ENY2: variants seen among roughly 807,000 people sequenced by gnomAD.
ENY2 encodes ENY2 transcription and export complex 2 subunit, also known as transcription and mRNA export factor ENY2.
A neutral mutation model predicts 15.9 loss-of-function variants in ENY2; 4 were observed. The ratio of observed to expected loss-of-function variants is 0.25; its 90% CI spans 0.12 to 0.57. ENY2 has a LOEUF of 0.57. Ranked by LOEUF, ENY2 falls within the 20% of genes least tolerant of loss-of-function variation. ENY2 has a pLI of 0.91. For synonymous variants in ENY2, 48 were observed against 38.0 expected, an observed-to-expected ratio of 1.26 and a Z score of -0.97; for missense variants, 54 against 117.2, an observed-to-expected ratio of 0.46 and a Z score of 2.49.
rs970921351 is a variant in ENY2, at chr8:109,335,108, C to T, written c.6+634C>T. ...TTTAAACTTTTAAGTGGCTTTAACG[C>T]TTTCAAAACCTAACTTTCCTCTTCT... On this transcript the variant is annotated intron_variant, in intron 1 of 4. Transcript: ENST00000521688. 2.6e-5 allele frequency: 4 copies of T among 152,226 alleles called. No homozygotes were observed. The East Asian group carries it at 5.8e-4, about 22-fold the overall frequency. The allele number at this position is 152,226 out of a possible 1,614,324, so 9.4% of individuals were successfully genotyped here.
intron 1 of ENY2, chr8:109,335,925 TA>T (rs1346310821): frequency 1.0e-4 from 41 of 403,904 alleles, no homozygotes; most frequent in Admixed American, 7.3e-4. Flanking sequence ...ATGTGATGTT[TA>T]AAAAAAAGCA....
intron 4 of ENY2, chr8:109,340,794 C>T (rs776351490): frequency 9.2e-6 from 4 of 436,090 alleles, no homozygotes; most frequent in South Asian, 3.9e-5. Context: ...CAAGTTGATA[C>T]AGTTGTTCAA....
intron 2 of ENY2, among the ~76,000 whole-genome samples, chr8:109,337,348 G>A (rs914802790): frequency 1.7e-5 from 2 of 119,584 alleles, no homozygotes; most frequent in Non-Finnish European, 3.5e-5. Context: ...AGTACGGATT[G>A]TATGTTGTTT....
chr8:109,338,098 T>C (rs1816030595), intron 2 of ENY2, among the ~76,000 whole-genome samples: 1 of 151,986 alleles, frequency 6.6e-6, no homozygotes, highest in African/African-American at 2.4e-5. Flanking sequence ...TGTAATAAAG[T>C]CTTGGAGTTT....
rs770148022 is a variant in ENY2 at position 109,334,359 on chromosome 8, G to A, written c.-110G>A. On this transcript the variant is annotated 5_prime_UTR_variant, in exon 1 of 5. Coordinates refer to ENST00000521688, the MANE Select transcript of ENY2 (RefSeq NM_020189.6). Reference sequence around the variant, plus strand: ...GTTCTAGCTTTCTGTGTGCTTAGGTGCCCGAGCTACTGAGGGTCTAAGTCC... The same window carrying A: ...GTTCTAGCTTTCTGTGTGCTTAGGTACCCGAGCTACTGAGGGTCTAAGTCC... 2.0e-5 allele frequency: 31 copies of A among 1,515,736 alleles called. No homozygotes were observed. Among genetic ancestry groups the A allele is most frequent in the Non-Finnish European group, 2.6e-5 (29 of 1,101,362 alleles). The allele number at this position is 1,515,736 out of a possible 1,614,324, so 93.9% of individuals were successfully genotyped here.
intron 1 of ENY2, 123 bp downstream of exon 1, chr8:109,334,597 C>T: frequency 8.1e-7 from 1 of 1,241,398 alleles, no homozygotes; most frequent in Non-Finnish European, 1.1e-6. Context: ...TCCGACAGGG[C>T]GTGCTACCGG....
rs1816227414 is a variant in ENY2 at position 109,345,576 on chromosome 8, A to T, written c.*2095A>T. 1 of 152,216 alleles carries T rather than the reference A, an allele frequency of 6.6e-6. No homozygotes were observed. The highest frequency in any genetic ancestry group is 1.5e-5 in the Non-Finnish European group (1 of 68,034). 9.4% of individuals were successfully genotyped at this position (152,216 alleles called of 1,614,324 possible). Reference sequence around the variant, plus strand: ...CAATGTTCTAAAGTAAGTGATAGGGATGCTCATCATTCTGCTACCTATTAT... The same window carrying T: ...CAATGTTCTAAAGTAAGTGATAGGGTTGCTCATCATTCTGCTACCTATTAT... On this transcript the variant is annotated 3_prime_UTR_variant, in exon 5 of 5. Coordinates refer to ENST00000521688, the MANE Select transcript of ENY2 (RefSeq NM_020189.6).
At chr8:109,340,726 A>G in intron 4 of ENY2, 163 bp downstream of exon 4, 1 of 743,878 alleles carries the variant, frequency 1.3e-6, no homozygotes, top group Non-Finnish European at 2.2e-6. Flanking sequence ...ATAGTCTGGG[A>G]GTAACAAATG....
intron 4 of ENY2, 73 bp from the exon 5 acceptor site, chr8:109,343,332 A>G: frequency 8.1e-7 from 1 of 1,234,484 alleles, no homozygotes; most frequent in Non-Finnish European, 1.1e-6. Context: ...ACCCTGAGCA[A>G]AATGTCAGAT....
intron 2 of ENY2, 57 bp from the exon 3 acceptor site, chr8:109,339,263 C>A: frequency 1.3e-6 from 2 of 1,518,284 alleles, no homozygotes; most frequent in Admixed American, 1.7e-5. Flanking sequence ...TTGCTTCATA[C>A]ATTCCTGTCT....
chr8:109,344,477 A>C lies in ENY2; in HGVS notation c.*996A>C, dbSNP rs548932630. On this transcript the variant is annotated 3_prime_UTR_variant, in exon 5 of 5. Coordinates refer to ENST00000521688, the MANE Select transcript of ENY2 (RefSeq NM_020189.6). Reference sequence around the variant, plus strand: ...CTGTCTCCAAACCAGACTTCATCCTAGCCTCCACACCCAGACACCCAACTG... The same window carrying C: ...CTGTCTCCAAACCAGACTTCATCCTCGCCTCCACACCCAGACACCCAACTG... 6.6e-6 allele frequency: 1 copy of C among 152,378 alleles called. No homozygotes were observed. The highest frequency in any genetic ancestry group is 2.1e-4 in the South Asian group (1 of 4,832). 9.4% of individuals were successfully genotyped at this position (152,378 alleles called of 1,614,324 possible). A position where few individuals can be genotyped will look rare whatever the true frequency, so the allele number is the denominator to read the frequency against.
At chr8:109,335,288 T>G (rs150302569) in intron 1 of ENY2, 32 of 152,218 alleles carry the variant, frequency 2.1e-4, no homozygotes, top group African/African-American at 7.5e-4. Context: ...GTTGTAATTG[T>G]GGGTTCATCC....
chr8:109,344,943 T>C lies in ENY2; in HGVS notation c.*1462T>C, dbSNP rs1229808481. 2.0e-5 allele frequency: 3 copies of C among 152,188 alleles called. No homozygotes were observed. The highest frequency in any genetic ancestry group is 4.4e-5 in the Non-Finnish European group (3 of 68,038). 9.4% of individuals were successfully genotyped at this position (152,188 alleles called of 1,614,324 possible). A position where few individuals can be genotyped will look rare whatever the true frequency, so the allele number is the denominator to read the frequency against. ...TATTCCCCTGCTTGGAATTTCTCAATGTAGAATGAAACTCATTCAGCATTA... is the reference window on the plus strand; with the variant it reads ...TATTCCCCTGCTTGGAATTTCTCAACGTAGAATGAAACTCATTCAGCATTA... On this transcript the variant is annotated 3_prime_UTR_variant, in exon 5 of 5. Coordinates refer to ENST00000521688, the MANE Select transcript of ENY2 (RefSeq NM_020189.6).
At position 109,334,626 on chromosome 8, in the gene ENY2, C is replaced by G. The variant is rs935280330; in HGVS notation, c.6+152C>G. On this transcript the variant is annotated intron_variant, in intron 1 of 4. Transcript: ENST00000521688. Reference sequence around the variant, plus strand: ...CTACCGGAGTTGGCCTGAAACCAGTCCTCGCTTTGTTTTCTGGCTCCTCCT... The same window carrying G: ...CTACCGGAGTTGGCCTGAAACCAGTGCTCGCTTTGTTTTCTGGCTCCTCCT... The G allele has an allele frequency of 3.5e-6, 3 of 863,298 alleles. No homozygotes were observed. In the African/African-American group the frequency reaches 5.3e-5, roughly 15 times the overall value. 53.5% of individuals were successfully genotyped at this position (863,298 alleles called of 1,614,324 possible). A position where few individuals can be genotyped will look rare whatever the true frequency, so the allele number is the denominator to read the frequency against.
chr8:109,341,738 A>T lies in ENY2; in HGVS notation c.229+1175A>T, dbSNP rs150260629. On this transcript the variant is annotated intron_variant, in intron 4 of 4. Coordinates refer to ENST00000521688, the MANE Select transcript of ENY2 (RefSeq NM_020189.6). ...TCTTACTGTTGTTAAGAGAAGACAT[A>T]CTTTTTAACACAGTAAAATTGTCGT... Among the ~76,000 whole-genome samples the T allele has an allele frequency of 4.7e-3, 712 of 152,332 alleles. 8 individuals are homozygous for T. The highest frequency in any genetic ancestry group is 0.016 in the African/African-American group (660 of 41,586).
At chr8:109,337,009 C>A (rs1753069205) in intron 2 of ENY2, among the ~76,000 whole-genome samples, 1 of 151,476 alleles carries the variant, frequency 6.6e-6, no homozygotes, top group Non-Finnish European at 1.5e-5. Context: ...CATGTAAGAT[C>A]TCACACAATA....
At chr8:109,334,977 T>C (rs1815928190) in intron 1 of ENY2, 1 of 153,520 alleles carries the variant, frequency 6.5e-6, no homozygotes, top group African/African-American at 2.4e-5. Context: ...TGGTAACTCA[T>C]TGCCAGTCTG....
In ENY2 at chr8:109,343,389, T is replaced by TA; in HGVS notation, c.230-15dup. 1 of 1,595,404 alleles carries TA rather than the reference T, an allele frequency of 6.3e-7. No homozygotes were observed. Among genetic ancestry groups the TA allele is most frequent in the East Asian group, 2.2e-5 (1 of 44,580 alleles). On this transcript the variant is annotated splice_polypyrimidine_tract_variant and intron_variant, in intron 4 of 4. Transcript: ENST00000521688. ...TGGTACCTTCTTACTCTTATTTTTT[T>TA]ATTTTTGTTTTTCAGCCCTGGTACC...
intron 2 of ENY2, among the ~76,000 whole-genome samples, chr8:109,337,152 A>C (rs1816003615): frequency 6.6e-6 from 1 of 151,574 alleles, no homozygotes; most frequent in African/African-American, 2.4e-5. Context: ...CTTGGACTTG[A>C]AGGGGACAAG....
Sources: allele counts gnomAD v4.1 joint callset (sites outside exome capture counted in the v4.1 genomes callset), GRCh38; gene constraint gnomAD v4.1.1; transcripts MANE v1.5; gene names NCBI Gene and HGNC (gene_info 2026-07-23, HGNC 2026-07-21).